The following ARHGAP39 variants were observed in gnomAD, a reference collection of about 807,000 sequenced individuals.
ARHGAP39 encodes rho GTPase-activating protein 39.
In ARHGAP39, 44 loss-of-function variants were observed where a neutral mutation model predicts 106.9. The observed-to-expected ratio is 0.41, with a 90% CI of 0.32 to 0.53. ARHGAP39 has a LOEUF of 0.53. Among genes scored for constraint, ARHGAP39 ranks in the 20% least tolerant of loss-of-function variants. ARHGAP39 has a pLI of 0.21. For synonymous variants in ARHGAP39, 768 were observed against 693.2 expected (o/e 1.11, Z -1.69); for missense variants, 1,496 against 1,577.3 (o/e 0.95, Z 0.87).
chr8:144,548,507 G>A lies in ARHGAP39; in HGVS notation c.597-18C>T, dbSNP rs957233045. ...AGGAGGTCCTGCGTGGGGGGTGGAC[G>A]GGCACAGGTGACTGCCTGCCTGCTG... On this transcript the variant is annotated intron_variant, in intron 4 of 11. Transcript: ENST00000377307. This position sits in a 1 kb window ranked among gnomAD's most constrained non-coding sequence, Gnocchi z 7.4. 1.9e-6 allele frequency: 3 copies of A among 1,600,704 alleles called. No individual in the cohort carries two copies. Among genetic ancestry groups the A allele is most frequent in the East Asian group, 2.2e-5 (1 of 44,710 alleles).
At chr8:144,581,573 G>A (rs1322333766) in intron 2 of ARHGAP39, among the ~76,000 whole-genome samples, 1 of 152,206 alleles carries the variant, frequency 6.6e-6, no homozygotes, top group African/African-American at 2.4e-5. Context: ...CAGGCACCCA[G>A]GCCACAACCT....
At chr8:144,689,004 A>G (rs1192810661), upstream of ARHGAP39, among the ~76,000 whole-genome samples, 2 of 152,200 alleles carry the variant, frequency 1.3e-5, no homozygotes, top group Admixed American at 6.5e-5. Context: ...GGTGTTTCAC[A>G]GGCCCAGAAA....
At chr8:144,568,043 C>G (rs945121774) in intron 3 of ARHGAP39, among the ~76,000 whole-genome samples, 2 of 152,112 alleles carry the variant, frequency 1.3e-5, no homozygotes, top group African/African-American at 4.8e-5. Context: ...CCCACTGACC[C>G]TGTGGGGCTG....
chr8:144,547,292 C>A lies in ARHGAP39; in HGVS notation c.1794G>T (p.Pro598=), dbSNP rs549604401. ...CGTCCTCGCTGAAGGCCCGCACCACCGGCCCGGGCATGGGCAGTGGCAGGG... is the reference window on the plus strand; with the variant it reads ...CGTCCTCGCTGAAGGCCCGCACCACAGGCCCGGGCATGGGCAGTGGCAGGG... ...DGALPLPMPG[P]VVRAFSEDEA... The change falls in exon 5 of 12, where the codon CCG becomes CCT. Residue 598 remains proline, a synonymous_variant. Transcript: ENST00000377307. This position sits in a 1 kb window ranked among gnomAD's most constrained non-coding sequence, Gnocchi z 5.2. The A allele has an allele frequency of 3.7e-6, 6 of 1,612,030 alleles. No homozygotes were observed. The East Asian group carries it at 1.1e-4, about 30-fold the overall frequency.
At chr8:144,587,629 C>T (rs896338955) in intron 2 of ARHGAP39, among the ~76,000 whole-genome samples, 8 of 149,382 alleles carry the variant, frequency 5.4e-5, no homozygotes, top group Non-Finnish European at 3.0e-5. Context: ...TGGGTCCCCA[C>T]GAGGAAGAGT....
chr8:144,553,906 C>T (rs911342569), intron 4 of ARHGAP39, among the ~76,000 whole-genome samples: 1 of 152,268 alleles, frequency 6.6e-6, no homozygotes, highest in African/African-American at 2.4e-5. Flanking sequence ...AGAGGGAGCC[C>T]AATGCCCCAC....
At chr8:144,622,118 G>GC (rs1820821887) in intron 1 of ARHGAP39, among the ~76,000 whole-genome samples, 1 of 152,152 alleles carries the variant, frequency 6.6e-6, no homozygotes, top group Non-Finnish European at 1.5e-5. Context: ...ACAAGACTGA[G>GC]CCCCCCACGG....
intron 6 of ARHGAP39, 108 bp from the exon 7 acceptor site, chr8:144,537,921 C>G (rs909923207): frequency 6.3e-6 from 6 of 955,786 alleles, no homozygotes; most frequent in Non-Finnish European, 9.8e-6. Context: ...CTGTTGGGGG[C>G]TCACCCTGTG....
chr8:144,700,305 C>T, the ARHGAP39 span: 6 of 152,276 alleles, frequency 3.9e-5, no homozygotes, highest in African/African-American at 1.4e-4. This position sits in a 1 kb window ranked among gnomAD's most constrained non-coding sequence, Gnocchi z 5.6. Flanking sequence ...CCTCGGTCTT[C>T]CCGCGTCCCA....
chr8:144,568,825 A>G (rs113616533), intron 3 of ARHGAP39, among the ~76,000 whole-genome samples: 10,407 of 152,150 alleles, frequency 0.068, 1,154 homozygotes, highest in African/African-American at 0.23. Context: ...TAAGAATCCA[A>G]CAAGGGGAGA....
chr8:144,618,029 G>A (rs970349768), intron 1 of ARHGAP39, among the ~76,000 whole-genome samples: 1 of 152,168 alleles, frequency 6.6e-6, no homozygotes, highest in African/African-American at 2.4e-5. Flanking sequence ...GGATCTGCCT[G>A]CCTCGGCCTC....
At chr8:144,611,199 AT>A (rs1317611368) in intron 1 of ARHGAP39, among the ~76,000 whole-genome samples, 2 of 152,180 alleles carry the variant, frequency 1.3e-5, no homozygotes, top group African/African-American at 2.4e-5. Flanking sequence ...TCTTCCAGAT[AT>A]TTTTTATTGG....
At chr8:144,649,308 G>A (rs771043767) in intron 1 of ARHGAP39, among the ~76,000 whole-genome samples, 1 of 152,200 alleles carries the variant, frequency 6.6e-6, no homozygotes, top group East Asian at 1.9e-4. Context: ...CAATTAGCCA[G>A]GTGTGGTGGC....
chr8:144,530,582 T>C lies in ARHGAP39; in HGVS notation c.3185A>G (p.Lys1062Arg). The C allele has an allele frequency of 6.2e-7, 1 of 1,607,834 alleles. No homozygotes were observed. The highest frequency in any genetic ancestry group is 8.5e-7 in the Non-Finnish European group (1 of 1,177,714). The stretch of plus-strand genomic sequence containing the variant: ...CATGGCCAGGTTGCTGACATCCATC[T>C]TGGTGACCGCGACGTTGGCCGGCTG... ...FVQPANVAVTKMDVSNLAMVM... is the reference protein window; with the variant it reads ...FVQPANVAVTRMDVSNLAMVM... The change falls in exon 12 of 12, where the codon AAG (lysine) becomes AGG (arginine). Residue 1062 changes from lysine (K) to arginine (R), a missense_variant. Around this residue, in one of 4 missense-constraint regions of ARHGAP39, gnomAD observed 470 missense variants for 605.1 expected, o/e 0.78. Transcript: ENST00000377307.
intron 2 of ARHGAP39, among the ~76,000 whole-genome samples, chr8:144,603,152 C>T (rs1033042295): frequency 4.3e-4 from 53 of 122,476 alleles, no homozygotes; most frequent in East Asian, 5.2e-4. Flanking sequence ...TGTGCATGTG[C>T]GTGGAGGTGT....
chr8:144,574,966 C>A (rs1268204747), intron 3 of ARHGAP39, among the ~76,000 whole-genome samples: 1 of 152,228 alleles, frequency 6.6e-6, no homozygotes, highest in African/African-American at 2.4e-5. Flanking sequence ...GTAAGGCCTG[C>A]TACACACCCA....
chr8:144,581,108 TGTA>T lies in ARHGAP39; in HGVS notation c.247_249del (p.Tyr83del), dbSNP rs1254591811. The T allele has an allele frequency of 6.3e-7, 1 of 1,592,740 alleles. No homozygotes were observed. Among genetic ancestry groups the T allele is most frequent in the Non-Finnish European group, 8.5e-7 (1 of 1,170,558 alleles). On this transcript the variant is annotated inframe_deletion, in exon 3 of 12. Coordinates refer to ENST00000377307, the MANE Select transcript of ARHGAP39 (RefSeq NM_025251.3). ...CACACCGTGCGCTGCGTGCTGGCAT[TGTA>T]GTAGTAGAAGCGGGACGTGTTGGGG... is the stretch of plus-strand genomic sequence containing the variant.
At chr8:144,580,767 AC>A (rs1274212722) in intron 3 of ARHGAP39, 78 bp downstream of exon 3, 2 of 25,822 alleles carry the variant, frequency 7.7e-5, no homozygotes, top group Non-Finnish European at 1.4e-4. Flanking sequence ...GGCCCCGCCC[AC>A]CACCCCCTAC....
rs1821304571 is a variant in ARHGAP39 at position 144,641,150 on chromosome 8, C to G, written c.-81-35455G>C. Reference sequence around the variant, plus strand: ...TCTGAAAGCTTTCATCCACCATCCACCTGTTCTGCCACAGGATCACGGGGG... The same window carrying G: ...TCTGAAAGCTTTCATCCACCATCCAGCTGTTCTGCCACAGGATCACGGGGG... On this transcript the variant is annotated intron_variant, in intron 1 of 11. Coordinates refer to ENST00000377307, the MANE Select transcript of ARHGAP39 (RefSeq NM_025251.3). This position sits in a 1 kb window ranked among gnomAD's most constrained non-coding sequence, Gnocchi z 5.2. Among the ~76,000 whole-genome samples the G allele has an allele frequency of 6.6e-6, 1 of 152,096 alleles. No homozygotes were observed. The highest frequency in any genetic ancestry group is 1.5e-5 in the Non-Finnish European group (1 of 68,028).
Sources: gnomAD v4.1 joint callset for allele counts (sites outside exome capture counted in the v4.1 genomes callset) on GRCh38, gnomAD v4.1.1 for gene constraint, gnomAD v4.1.1 regional missense constraint, Gnocchi (gnomAD v3.1) non-coding constraint, MANE v1.5 for transcripts, NCBI Gene and HGNC (gene_info 2026-07-23, HGNC 2026-07-21) for gene names.